ANKRD33B: variants seen among roughly 807,000 people sequenced by gnomAD.
The protein encoded by ANKRD33B is ankyrin repeat domain 33B, also known as ankyrin repeat domain-containing protein 33B.
Under a neutral mutation model 21.5 loss-of-function variants are expected in ANKRD33B, and 6 were observed. The ratio of observed to expected loss-of-function variants is 0.28; its 90% CI spans 0.15 to 0.55. ANKRD33B has a LOEUF of 0.55. Ranked by LOEUF, ANKRD33B falls within the 20% of genes least tolerant of loss-of-function variation. ANKRD33B has a pLI of 0.94. For synonymous variants in ANKRD33B, 347 were observed against 342.4 expected (o/e 1.01, Z -0.15); for missense variants, 698 against 747.2 (o/e 0.93, Z 0.77).
chr5:10,565,625 T>C (rs1488879310), intron 1 of ANKRD33B, among the ~76,000 whole-genome samples: 1 of 152,112 alleles, frequency 6.6e-6, no homozygotes, highest in African/African-American at 2.4e-5. Context: ...AAACGAGATG[T>C]TTAGAAAAGA....
intron 2 of ANKRD33B, among the ~76,000 whole-genome samples, chr5:10,622,794 C>CTTTTTTTTTTG (rs1436392852): frequency 1.3e-5 from 1 of 78,592 alleles, no homozygotes; most frequent in Non-Finnish European, 2.4e-5. Flanking sequence ...TTTGTTTTTG[C>CTTTTTTTTTTG]TTTATTTTAT....
chr5:10,598,276 T>G (rs574442628), intron 1 of ANKRD33B, among the ~76,000 whole-genome samples: 4 of 151,254 alleles, frequency 2.6e-5, no homozygotes, highest in Admixed American at 2.6e-4. Flanking sequence ...TTGTTTTTTG[T>G]TTTTTTTTGA....
At chr5:10,567,816 TATC>T (rs1410938062) in intron 1 of ANKRD33B, among the ~76,000 whole-genome samples, 2 of 152,184 alleles carry the variant, frequency 1.3e-5, no homozygotes, top group Admixed American at 6.5e-5. Flanking sequence ...TCTCCAAGCT[TATC>T]ATGATTAGTG....
chr5:10,631,317 G>A (rs1445669546), intron 2 of ANKRD33B, among the ~76,000 whole-genome samples: 1 of 152,186 alleles, frequency 6.6e-6, no homozygotes, highest in Non-Finnish European at 1.5e-5. Context: ...ATGAGAGGTT[G>A]ATGAGAAACA....
At position 10,618,374 on chromosome 5, in the gene ANKRD33B, C is replaced by G; in HGVS notation, c.408C>G (p.Thr136=). 6.5e-7 allele frequency: 1 copy of G among 1,537,684 alleles called. No individual in the cohort carries two copies. Among genetic ancestry groups the G allele is most frequent in the South Asian group, 1.2e-5 (1 of 84,044 alleles). ...IVACYHGFVD[T]VVALAECPHV... is the part of the protein sequence containing the mutation. ...CCTGCTACCACGGCTTTGTGGATAC[C>G]GTGGTGGCCTTAGCAGAGTGCCCCC... Residue 136 remains threonine, a synonymous_variant, in exon 2 of 4, where the codon ACC becomes ACG. Transcript: ENST00000296657.
chr5:10,600,801 C>T (rs1735911858), intron 1 of ANKRD33B, among the ~76,000 whole-genome samples: 1 of 152,126 alleles, frequency 6.6e-6, no homozygotes, highest in Non-Finnish European at 1.5e-5. Flanking sequence ...AGTTCCACAC[C>T]CTTGCCAACA....
At chr5:10,575,186 A>AGGCCGAGGT (rs1423490857) in intron 1 of ANKRD33B, among the ~76,000 whole-genome samples, 21 of 39,274 alleles carry the variant, frequency 5.3e-4, no homozygotes, top group Admixed American at 1.3e-3. Flanking sequence ...GCACTTTGGG[A>AGGCCGAGGT]GGCCGAGGTG....
intron 1 of ANKRD33B, among the ~76,000 whole-genome samples, chr5:10,588,398 A>G (rs1735613962): frequency 6.6e-6 from 1 of 152,184 alleles, no homozygotes; most frequent in Non-Finnish European, 1.5e-5. Context: ...CATTGAGGTT[A>G]TTTCTGGTTT....
intron 1 of ANKRD33B, among the ~76,000 whole-genome samples, chr5:10,595,362 C>T (rs1173557201): frequency 6.6e-6 from 1 of 152,152 alleles, no homozygotes; most frequent in East Asian, 1.9e-4. Flanking sequence ...GTCCAGGTGA[C>T]AGCAGGGCCA....
chr5:10,638,021 T>G lies in ANKRD33B; in HGVS notation c.497-7T>G. On this transcript the variant is annotated splice_region_variant and splice_polypyrimidine_tract_variant and intron_variant, in intron 2 of 3. Transcript: ENST00000296657. Reference sequence around the variant, plus strand: ...GAACCAATACACGTGTACACTTCTCTTTACAGGGCACGCTATCATCACTAA... The same window carrying G: ...GAACCAATACACGTGTACACTTCTCGTTACAGGGCACGCTATCATCACTAA... The G allele has an allele frequency of 1.3e-6, 2 of 1,537,346 alleles. No individual in the cohort carries two copies. Among genetic ancestry groups the G allele is most frequent in the Non-Finnish European group, 1.7e-6 (2 of 1,146,836 alleles).
chr5:10,602,097 A>G (rs1309720967), intron 1 of ANKRD33B, among the ~76,000 whole-genome samples: 2 of 143,874 alleles, frequency 1.4e-5, no homozygotes, highest in South Asian at 2.3e-4. Flanking sequence ...GTAAAAATGA[A>G]CAAGAACACA....
rs888701839 is a variant in ANKRD33B, at chr5:10,653,640, T to G, written c.*3527T>G. 2.6e-5 allele frequency: 4 copies of G among 152,432 alleles called. No homozygotes were observed. The highest frequency in any genetic ancestry group is 9.7e-5 in the African/African-American group (4 of 41,438). The allele number at this position is 152,432 out of a possible 1,614,324, so 9.4% of individuals were successfully genotyped here. On this transcript the variant is annotated 3_prime_UTR_variant, in exon 4 of 4. Coordinates refer to ENST00000296657, the MANE Select transcript of ANKRD33B (RefSeq NM_001164440.2). ...GTCTTCCTGAGCCATTTGGAAGCCCTTTCCTCTAGCCCTAGGTACTGGTGA... is the reference window on the plus strand; with the variant it reads ...GTCTTCCTGAGCCATTTGGAAGCCCGTTCCTCTAGCCCTAGGTACTGGTGA...
chr5:10,578,854 G>T (rs1413297029), intron 1 of ANKRD33B, among the ~76,000 whole-genome samples: 1 of 151,924 alleles, frequency 6.6e-6, no homozygotes, highest in Non-Finnish European at 1.5e-5. Flanking sequence ...AATTTTATTG[G>T]GTCTAAGAAT....
At position 10,599,935 on chromosome 5, in the gene ANKRD33B, A is replaced by G. The variant is rs543523382; in HGVS notation, c.367-18398A>G. ...CTATTTTCCACAGTGGCTGCACCAC[A>G]TTAGACTCTGACCAGCAATGCACAA... On this transcript the variant is annotated intron_variant, in intron 1 of 3. Coordinates refer to ENST00000296657, the MANE Select transcript of ANKRD33B (RefSeq NM_001164440.2). Among the ~76,000 whole-genome samples the G allele has an allele frequency of 4.6e-5, 7 of 152,376 alleles. No individual in the cohort carries two copies. The South Asian group carries it at 6.2e-4, about 14-fold the overall frequency.
At chr5:10,571,228 A>C (rs1196936133) in intron 1 of ANKRD33B, among the ~76,000 whole-genome samples, 1 of 151,800 alleles carries the variant, frequency 6.6e-6, no homozygotes, top group Non-Finnish European at 1.5e-5. Context: ...TTTGAGATGG[A>C]TCTCGCTCTG....
At chr5:10,591,480 T>C (rs1735691456) in intron 1 of ANKRD33B, among the ~76,000 whole-genome samples, 1 of 152,134 alleles carries the variant, frequency 6.6e-6, no homozygotes, top group African/African-American at 2.4e-5. Flanking sequence ...CCGAGCCTTT[T>C]TAGTGTTTTT....
Position 10,650,481 on chromosome 5 carries a change from G to A in ANKRD33B, c.*368G>A, listed in dbSNP as rs2126612744. 1 of 159,756 alleles carries A rather than the reference G, an allele frequency of 6.3e-6. No homozygotes were observed. Among genetic ancestry groups the A allele is most frequent in the Non-Finnish European group, 1.4e-5 (1 of 73,326 alleles). 9.9% of individuals were successfully genotyped at this position (159,756 alleles called of 1,614,324 possible). A position where few individuals can be genotyped will look rare whatever the true frequency, so the allele number is the denominator to read the frequency against. ...ATTTGCAACGTTTTACAAGTGATAGGGCCCCTTATATCCAAGGCAGTTTTA... is the reference window on the plus strand; with the variant it reads ...ATTTGCAACGTTTTACAAGTGATAGAGCCCCTTATATCCAAGGCAGTTTTA... On this transcript the variant is annotated 3_prime_UTR_variant, in exon 4 of 4. Coordinates refer to ENST00000296657, the MANE Select transcript of ANKRD33B (RefSeq NM_001164440.2).
intron 3 of ANKRD33B, among the ~76,000 whole-genome samples, chr5:10,648,760 GA>G (rs926744866): frequency 1.4e-4 from 21 of 150,356 alleles, no homozygotes; most frequent in East Asian, 7.8e-4. Flanking sequence ...ATTCTGTCTC[GA>G]AAAAAAAAAT....
intron 2 of ANKRD33B, chr5:10,628,300 C>T (rs1579745610): frequency 6.6e-6 from 1 of 152,250 alleles, no homozygotes; most frequent in East Asian, 1.9e-4. Flanking sequence ...CCTGCCTCAG[C>T]CTCCTGAGTA....
Sources: gnomAD v4.1 joint callset for allele counts (sites outside exome capture counted in the v4.1 genomes callset) on GRCh38, gnomAD v4.1.1 for gene constraint, MANE v1.5 for transcripts, NCBI Gene and HGNC (gene_info 2026-07-23, HGNC 2026-07-21) for gene names.